PRPF6: variants seen among roughly 807,000 people sequenced by gnomAD.
The protein encoded by PRPF6 is pre-mRNA-processing factor 6.
In PRPF6, 42 loss-of-function variants were observed where a neutral mutation model predicts 118.3. The observed-to-expected ratio is 0.35, with a 90% confidence interval of 0.28 to 0.46. PRPF6 has a LOEUF of 0.46. Ranked by LOEUF, PRPF6 falls within the 20% of genes least tolerant of loss-of-function variation. The probability of loss-of-function intolerance (pLI) is 1.00; values close to 1 mark genes in which losing one functional copy is unlikely to be tolerated. For synonymous variants in PRPF6, 481 were observed against 485.1 expected (o/e 0.99, Z 0.11); for missense variants, 662 against 1,255.7 (o/e 0.53, Z 7.15).
chr20:64,017,491 GCCGCCGCGCCCGGCCTC>G (rs2059244291), intron 12 of PRPF6, among the ~76,000 whole-genome samples: 2 of 150,030 alleles, frequency 1.3e-5, no homozygotes, highest in Non-Finnish European at 3.0e-5. Flanking sequence ...ACAGGCGTGA[GCCGCCGCGCCCGGCCTC>G]CCAGAGTGCT....
chr20:63,981,695 A>G (rs1402379604), intron 1 of PRPF6, among the ~76,000 whole-genome samples: 1 of 116,206 alleles, frequency 8.6e-6, no homozygotes, highest in South Asian at 2.9e-4. Context: ...TGGGTCCTCT[A>G]TGCCTGCAAC....
At chr20:63,981,401 T>C in intron 1 of PRPF6, 85 bp downstream of exon 1, 1 of 1,321,210 alleles carries the variant, frequency 7.6e-7, no homozygotes, top group Non-Finnish European at 1.0e-6. Context: ...CGGGGGTCTA[T>C]GGCCGCGCAG....
In PRPF6 at chr20:63,985,038, G is replaced by T. The variant is rs1453513885; in HGVS notation, c.359+13G>T. ...GAAAAGAAAGACGGTAAAAGAAATT[G>T]TTGCCTTTCACAATATTTATCCAAG... On this transcript the variant is annotated intron_variant, in intron 3 of 20. Coordinates refer to ENST00000266079, the MANE Select transcript of PRPF6 (RefSeq NM_012469.4). 6.2e-7 allele frequency: 1 copy of T among 1,604,584 alleles called. No homozygotes were observed.
intron 11 of PRPF6, among the ~76,000 whole-genome samples, chr20:64,013,121 T>C (rs1172118235): frequency 5.9e-5 from 9 of 152,094 alleles, no homozygotes; most frequent in Admixed American, 3.9e-4. Flanking sequence ...CCCGCCACCA[T>C]ACCCAGCTAA....
At position 63,982,172 on chromosome 20, in the gene PRPF6, A is replaced by G. The variant is rs149946543; in HGVS notation, c.71+856A>G. 2.6e-4 allele frequency among the ~76,000 whole-genome samples: 39 copies of G among 151,930 alleles called. No homozygotes were observed. In the East Asian group the frequency reaches 7.6e-3, roughly 29 times the overall value. The stretch of plus-strand genomic sequence containing the variant: ...AAGATCATGACCCTTCAGAATTATT[A>G]TTATTATTATTATTTTTTGAGACAA... On this transcript the variant is annotated intron_variant, in intron 1 of 20. Coordinates refer to ENST00000266079, the MANE Select transcript of PRPF6 (RefSeq NM_012469.4).
At position 63,990,002 on chromosome 20, in the gene PRPF6, C is replaced by T. The variant is rs945812105; in HGVS notation, c.360-3405C>T. On this transcript the variant is annotated intron_variant, in intron 3 of 20. Transcript: ENST00000266079. ...CCAAGTAGCCGGGATTATAGGCACG[C>T]GCCACCACACCTGGCTAATTTTTGT... 7.3e-5 allele frequency among the ~76,000 whole-genome samples: 11 copies of T among 151,620 alleles called. No individual in the cohort carries two copies. In the South Asian group the frequency reaches 1.9e-3, roughly 26 times the overall value.
At chr20:64,024,198 G>T (rs2059277719) in intron 13 of PRPF6, among the ~76,000 whole-genome samples, 1 of 152,190 alleles carries the variant, frequency 6.6e-6, no homozygotes, top group South Asian at 2.1e-4. Context: ...AGTGGGTCCG[G>T]GGTGCGCTTG....
chr20:64,020,690 T>C (rs967686178), intron 12 of PRPF6, among the ~76,000 whole-genome samples: 6 of 152,336 alleles, frequency 3.9e-5, no homozygotes, highest in African/African-American at 1.2e-4. Flanking sequence ...GTAGTTCTGT[T>C]GAGTGGATGG....
At chr20:64,006,419 G>A (rs915003044) in intron 9 of PRPF6, among the ~76,000 whole-genome samples, 5 of 151,248 alleles carry the variant, frequency 3.3e-5, no homozygotes, top group African/African-American at 9.7e-5. Flanking sequence ...TGGGTTCAAG[G>A]AATTCTCTTG....
At chr20:63,999,533 C>G (rs149112488) in intron 7 of PRPF6, 70 bp from the exon 8 acceptor site, 7 of 1,586,880 alleles carry the variant, frequency 4.4e-6, no homozygotes, top group Non-Finnish European at 6.0e-6. Flanking sequence ...GAAGTGGGTG[C>G]CCTCATCCCA....
rs182627788 is a variant in PRPF6, at chr20:64,001,819, T to A, written c.1186+580T>A. ...TTCCATCCAGGGATTCCTGCCAGGGTAGAGCTTTTGTGGGTAGTTTGTTTA... is the reference window on the plus strand; with the variant it reads ...TTCCATCCAGGGATTCCTGCCAGGGAAGAGCTTTTGTGGGTAGTTTGTTTA... On this transcript the variant is annotated intron_variant, in intron 9 of 20. Transcript: ENST00000266079. Among the ~76,000 whole-genome samples the A allele has an allele frequency of 4.1e-4, 63 of 152,102 alleles. 1 individual carries two copies. The highest frequency in any genetic ancestry group is 7.9e-4 in the Non-Finnish European group (54 of 67,988).
chr20:64,013,741 A>G (rs2059225636), intron 11 of PRPF6, among the ~76,000 whole-genome samples: 1 of 152,292 alleles, frequency 6.6e-6, no homozygotes, highest in South Asian at 2.1e-4. Context: ...TACCCAGCAT[A>G]TGACAGGTTA....
intron 2 of PRPF6, among the ~76,000 whole-genome samples, chr20:63,984,009 T>A (rs2059082902): frequency 6.6e-6 from 1 of 152,196 alleles, no homozygotes; most frequent in Admixed American, 6.5e-5. Flanking sequence ...TTGCTTTTTT[T>A]AGCTTTAGTG....
At chr20:64,007,552 C>T (rs1214608190) in intron 9 of PRPF6, among the ~76,000 whole-genome samples, 2 of 151,374 alleles carry the variant, frequency 1.3e-5, no homozygotes, top group African/African-American at 2.4e-5. Context: ...CTGCAACCTC[C>T]ACCTCCTGGG....
At chr20:63,985,268 A>T (rs749945896) in intron 3 of PRPF6, among the ~76,000 whole-genome samples, 1 of 152,066 alleles carries the variant, frequency 6.6e-6, no homozygotes, top group Non-Finnish European at 1.5e-5. Context: ...CTGAGGTGGA[A>T]GGACCGTTTA....
In PRPF6 at chr20:64,029,220, C is replaced by T. The variant is rs917447112; in HGVS notation, c.2432-157C>T. 3.3e-5 allele frequency among the ~76,000 whole-genome samples: 5 copies of T among 152,174 alleles called. No individual in the cohort carries two copies. Among genetic ancestry groups the T allele is most frequent in the Non-Finnish European group, 5.9e-5 (4 of 68,036 alleles). On this transcript the variant is annotated intron_variant, in intron 18 of 20. Coordinates refer to ENST00000266079, the MANE Select transcript of PRPF6 (RefSeq NM_012469.4). The surrounding 1 kb of genome is among the most constrained non-coding windows in gnomAD (Gnocchi z 4.8). ...ATGGTTTTGGGTGGGCCAGAGTGCT[C>T]ATCCTTTGTGGTTCTCCTTGCACAA... is the stretch of plus-strand genomic sequence containing the variant.
intron 9 of PRPF6, among the ~76,000 whole-genome samples, chr20:64,004,600 G>A (rs763488161): frequency 6.6e-6 from 1 of 152,176 alleles, no homozygotes; most frequent in Non-Finnish European, 1.5e-5. Flanking sequence ...TTGGGAGAAT[G>A]GGCGTTTTGG....
rs753357562 is a variant in PRPF6, at chr20:64,010,313, G to A, written c.1300G>A (p.Val434Met). 5.6e-6 allele frequency: 9 copies of A among 1,612,856 alleles called. No homozygotes were observed. Among genetic ancestry groups the A allele is most frequent in the Admixed American group, 1.7e-5 (1 of 60,006 alleles). Residue 434 changes from valine to methionine, a missense_variant, in exon 10 of 21, where the codon GTG (valine) becomes ATG (methionine). By Grantham distance (21) the Val-to-Met change is conservative (BLOSUM62 1). This residue lies in a region of PRPF6 where 189 missense variants were observed against 323.5 expected (regional missense o/e 0.58). Transcript: ENST00000266079. ...SRAVECCPTS[V>M]ELWLALARLE... is the part of the protein sequence containing the mutation. ...AGCTGTGGAGTGCTGCCCCACCAGC[G>A]TGGAGGTGAGTCTGGCGGGCTCAGG...
chr20:64,009,368 T>C (rs535163501), intron 9 of PRPF6, among the ~76,000 whole-genome samples: 1 of 151,304 alleles, frequency 6.6e-6, no homozygotes, highest in South Asian at 2.1e-4. Context: ...AGATCTTAAG[T>C]GTGCAGTTTG....
Sources: gnomAD v4.1 joint callset for allele counts (sites outside exome capture counted in the v4.1 genomes callset) on GRCh38, gnomAD v4.1.1 for gene constraint, gnomAD v4.1.1 regional missense constraint, Gnocchi (gnomAD v3.1) non-coding constraint, MANE v1.5 for transcripts, NCBI Gene and HGNC (gene_info 2026-07-23, HGNC 2026-07-21) for gene names.